Variants in ASXL3 observed in about 807,000 individuals in gnomAD.
ASXL3 encodes the protein putative Polycomb group protein ASXL3.
ASXL3 carries 34 observed loss-of-function variants against 170.6 expected under a neutral mutation model. The observed-to-expected ratio is 0.20, with a 90% CI of 0.15 to 0.27. The LOEUF (loss-of-function observed/expected upper bound fraction) is 0.27. Ranked by LOEUF, ASXL3 falls within the 10% of genes least tolerant of loss-of-function variation. The pLI is 1.00. For synonymous variants in ASXL3, 1,002 were observed against 989.1 expected, an observed-to-expected ratio of 1.01 and a Z score of -0.24; for missense variants, 2,592 against 2,695.3, an observed-to-expected ratio of 0.96 and a Z score of 0.85.
At chr18:33,708,683 C>T (rs1175367182) in intron 8 of ASXL3, among the ~76,000 whole-genome samples, 3 of 152,118 alleles carry the variant, frequency 2.0e-5, no homozygotes, top group African/African-American at 7.2e-5. Flanking sequence ...CCTCCAGTCC[C>T]TAACAATCAA....
Position 33,739,129 on chromosome 18 carries a change from GTCA to G in ASXL3, c.1728_1730del (p.Ser578del). On this transcript the variant is annotated inframe_deletion, in exon 11 of 12. Coordinates refer to ENST00000269197, the MANE Select transcript of ASXL3 (RefSeq NM_030632.3). ...CCAGTACCCCCAAAATAAAAACAGGGTCATCTTCTCTAGAAGGCCAGTTTCCAA... is the reference window on the plus strand; with the variant it reads ...CCAGTACCCCCAAAATAAAAACAGGGTCTTCTCTAGAAGGCCAGTTTCCAA... 1 of 1,613,430 alleles carries G rather than the reference GTCA, an allele frequency of 6.2e-7. No homozygotes were observed. The highest frequency in any genetic ancestry group is 8.5e-7 in the Non-Finnish European group (1 of 1,179,658).
At chr18:33,602,189 A>G (rs970628389) in intron 1 of ASXL3, among the ~76,000 whole-genome samples, 1 of 151,994 alleles carries the variant, frequency 6.6e-6, no homozygotes, top group Non-Finnish European at 1.5e-5. Context: ...ATGCCTAATT[A>G]TCTGAGGTGG....
chr18:33,726,067 A>G (rs1308258876), intron 8 of ASXL3, among the ~76,000 whole-genome samples: 3 of 152,198 alleles, frequency 2.0e-5, no homozygotes, highest in African/African-American at 7.2e-5. Context: ...TCTACTGGGA[A>G]TTATAATCAG....
chr18:33,583,444 TTATATC>T (rs754817793), intron 1 of ASXL3, among the ~76,000 whole-genome samples: 3 of 152,210 alleles, frequency 2.0e-5, no homozygotes, highest in Non-Finnish European at 2.9e-5. Flanking sequence ...CATCATTTCT[TTATATC>T]TATATCTCAT....
intron 2 of ASXL3, among the ~76,000 whole-genome samples, chr18:33,622,308 G>A (rs1230641133): frequency 6.6e-6 from 1 of 152,050 alleles, no homozygotes; most frequent in Admixed American, 6.6e-5. Flanking sequence ...CCTTCCTATT[G>A]TCTAGGCTTG....
At position 33,608,411 on chromosome 18, in the gene ASXL3, G is replaced by A. The variant is rs1317611666; in HGVS notation, c.137+735G>A. Among the ~76,000 whole-genome samples the A allele has an allele frequency of 3.3e-5, 5 of 151,806 alleles. No homozygotes were observed. In the East Asian group the frequency reaches 9.7e-4, roughly 30 times the overall value. ...TTTTGTGAAAGGCTTATTTGACTTA[G>A]CATATAATATTTTCAAGGTTTTCTC... On this transcript the variant is annotated intron_variant, in intron 2 of 11. Transcript: ENST00000269197.
chr18:33,731,260 A>G (rs1316550222), intron 8 of ASXL3, among the ~76,000 whole-genome samples: 1 of 152,144 alleles, frequency 6.6e-6, no homozygotes, highest in Non-Finnish European at 1.5e-5. Context: ...AGGTAATTAT[A>G]ATTAGTGCTT....
chr18:33,743,811 G>A lies in ASXL3; in HGVS notation c.3963G>A (p.Lys1321=). 6 of 1,613,988 alleles carry A rather than the reference G, an allele frequency of 3.7e-6. No homozygotes were observed. The highest frequency in any genetic ancestry group is 5.1e-6 in the Non-Finnish European group (6 of 1,179,900). The change falls in exon 12 of 12, where the codon AAG becomes AAA. Residue 1321 remains lysine, a synonymous_variant. Transcript: ENST00000269197. ...GSSISSSMDD[K]QLLISSSSAS... is the part of the protein sequence containing the mutation. Reference sequence around the variant, plus strand: ...GCATATCAAGCTCCATGGATGATAAGCAGTTACTAATATCAAGCAGCAGTG... The same window carrying A: ...GCATATCAAGCTCCATGGATGATAAACAGTTACTAATATCAAGCAGCAGTG...
intron 7 of ASXL3, among the ~76,000 whole-genome samples, chr18:33,676,116 C>T (rs948597634): frequency 2.7e-5 from 4 of 146,492 alleles, no homozygotes; most frequent in Non-Finnish European, 3.0e-5. Flanking sequence ...CCCAGCTACT[C>T]GGGAGGGTGA....
chr18:33,634,287 C>G (rs1599423443), intron 2 of ASXL3, among the ~76,000 whole-genome samples: 2 of 149,156 alleles, frequency 1.3e-5, no homozygotes, highest in Admixed American at 1.3e-4. Context: ...TTCCAACAAA[C>G]AGTAGCTGGA....
intron 10 of ASXL3, among the ~76,000 whole-genome samples, chr18:33,735,314 A>G (rs1412810594): frequency 6.6e-6 from 1 of 152,206 alleles, no homozygotes; most frequent in Non-Finnish European, 1.5e-5. Context: ...AAGAAATTAG[A>G]TAATTAACAG....
intron 8 of ASXL3, among the ~76,000 whole-genome samples, chr18:33,711,832 C>G (rs74740787): frequency 0.022 from 3,296 of 152,118 alleles, 129 homozygotes; most frequent in African/African-American, 0.075. Flanking sequence ...CATTTTTGGT[C>G]TAATCACTTA....
At chr18:33,656,984 A>G (rs1262870663) in intron 4 of ASXL3, among the ~76,000 whole-genome samples, 1 of 152,162 alleles carries the variant, frequency 6.6e-6, no homozygotes, top group Non-Finnish European at 1.5e-5. Flanking sequence ...TTCAATGAAC[A>G]TTAATAGATC....
chr18:33,636,610 T>G, intron 2 of ASXL3, among the ~76,000 whole-genome samples: 1 of 152,098 alleles, frequency 6.6e-6, no homozygotes, highest in Non-Finnish European at 1.5e-5. Flanking sequence ...GGCTTTGTGA[T>G]GCATCAGTCA....
chr18:33,646,357 A>G lies in ASXL3; in HGVS notation c.355+4A>G, dbSNP rs1453058561. The G allele has an allele frequency of 6.3e-7, 1 of 1,596,748 alleles. No individual in the cohort carries two copies. The highest frequency in any genetic ancestry group is 1.7e-5 in the Admixed American group (1 of 58,696). ...GCCCATGGAGAAGAAAATGGAGGTA[A>G]GTGTGATGAATTCCAAAATATAATC... is the stretch of plus-strand genomic sequence containing the variant. On this transcript the variant is annotated splice_donor_region_variant and intron_variant, in intron 4 of 11. Transcript: ENST00000269197.
intron 8 of ASXL3, among the ~76,000 whole-genome samples, chr18:33,701,540 T>C (rs374939460): frequency 6.6e-6 from 1 of 152,104 alleles, no homozygotes. Context: ...TTTGTTCTTT[T>C]AGTGTTATTG....
rs552633684 is a variant in ASXL3, at chr18:33,642,373, C to T, written c.138-2521C>T. ...TAATAAGCATTTAGCTCATTTGATGCGTATTTTTCATTGTTTTTTTAAAAA... is the reference window on the plus strand; with the variant it reads ...TAATAAGCATTTAGCTCATTTGATGTGTATTTTTCATTGTTTTTTTAAAAA... On this transcript the variant is annotated intron_variant, in intron 2 of 11. Coordinates refer to ENST00000269197, the MANE Select transcript of ASXL3 (RefSeq NM_030632.3). Among the ~76,000 whole-genome samples the T allele has an allele frequency of 9.9e-5, 15 of 151,734 alleles. No individual in the cohort carries two copies. In the East Asian group the frequency reaches 1.7e-3, roughly 18 times the overall value.
intron 2 of ASXL3, among the ~76,000 whole-genome samples, chr18:33,611,460 C>A (rs141383739): frequency 2.0e-5 from 3 of 152,084 alleles, no homozygotes; most frequent in African/African-American, 7.2e-5. Context: ...GCTTGCTTCA[C>A]TGATTCTGAG....
At chr18:33,585,354 C>T (rs1162604086) in intron 1 of ASXL3, among the ~76,000 whole-genome samples, 1 of 151,972 alleles carries the variant, frequency 6.6e-6, no homozygotes, top group East Asian at 1.9e-4. Flanking sequence ...GAAACTTTCC[C>T]TGAAGAGCCC....
Sources: allele counts gnomAD v4.1 joint callset (sites outside exome capture counted in the v4.1 genomes callset), GRCh38; gene constraint gnomAD v4.1.1; transcripts MANE v1.5; gene names NCBI Gene and HGNC (gene_info 2026-07-23, HGNC 2026-07-21).